NCKAP1L: variants seen among roughly 807,000 people sequenced by gnomAD.
NCKAP1L encodes the protein NCK associated protein 1 like.
NCKAP1L carries 53 observed loss-of-function variants against 139.2 expected under a neutral mutation model. The ratio of observed to expected loss-of-function variants is 0.38; its 90% CI spans 0.31 to 0.48. The LOEUF is 0.48. Among genes scored for constraint, NCKAP1L ranks in the 20% least tolerant of loss-of-function variants. The pLI is 0.98. For synonymous variants in NCKAP1L, 468 were observed against 499.7 expected (o/e 0.94, Z 0.85); for missense variants, 1,151 against 1,381.9 (o/e 0.83, Z 2.65).
At chr12:54,525,739 C>T (rs542904507) in intron 20 of NCKAP1L, among the ~76,000 whole-genome samples, 5 of 152,134 alleles carry the variant, frequency 3.3e-5, no homozygotes, top group African/African-American at 1.2e-4. Context: ...TTTCCCATCC[C>T]CTCCCCTGCC....
rs374983216 is a variant in NCKAP1L, at chr12:54,511,856, G to A, written c.784+5G>A. 1.2e-5 allele frequency: 19 copies of A among 1,614,090 alleles called. No individual in the cohort carries two copies. The Admixed American group carries it at 1.5e-4, about 13-fold the overall frequency. On this transcript the variant is annotated splice_donor_5th_base_variant and intron_variant, in intron 8 of 30. Coordinates refer to ENST00000293373, the MANE Select transcript of NCKAP1L (RefSeq NM_005337.5). ...TAATGGAGCGCTGGATTATCAGTAA[G>A]TTTAGTGGGATTAGATGGGAGTGGA...
chr12:54,506,796 A>AAAAAAAAATATATAT, intron 3 of NCKAP1L, among the ~76,000 whole-genome samples: 40 of 50,598 alleles, frequency 7.9e-4, no homozygotes, highest in East Asian at 2.2e-3. Flanking sequence ...AAAAAAAAAA[A>AAAAAAAAATATATAT]ATATATATAT....
chr12:54,505,898 G>A (rs1166428263), intron 3 of NCKAP1L, among the ~76,000 whole-genome samples: 1 of 152,168 alleles, frequency 6.6e-6, no homozygotes, highest in Non-Finnish European at 1.5e-5. Context: ...CCGACCTCAG[G>A]TGATCTGCCC....
intron 9 of NCKAP1L, 57 bp from the exon 10 acceptor site, chr12:54,516,182 G>C: frequency 6.3e-7 from 1 of 1,590,908 alleles, no homozygotes; most frequent in Non-Finnish European, 8.6e-7. Flanking sequence ...GGGAAGGTGA[G>C]GCAAGGGCCC....
Position 54,520,829 on chromosome 12 carries a change from A to G in NCKAP1L, c.1758+3A>G, listed in dbSNP as rs1465187544. The stretch of plus-strand genomic sequence containing the variant: ...CTCATGAGATGTGCCCAGAGGAGGT[A>G]GGTATCCTGATCTCCAGACCCTGTC... On this transcript the variant is annotated splice_donor_region_variant and intron_variant, in intron 17 of 30. Transcript: ENST00000293373. 1 of 1,614,096 alleles carries G rather than the reference A, an allele frequency of 6.2e-7. No individual in the cohort carries two copies. The highest frequency in any genetic ancestry group is 8.5e-7 in the Non-Finnish European group (1 of 1,179,994).
rs974560485 is a variant in NCKAP1L, at chr12:54,518,920, A to G, written c.1427A>G (p.Asn476Ser). The change falls in exon 15 of 31, where the codon AAT becomes AGT. Residue 476 changes from asparagine to serine, a missense_variant. Transcript: ENST00000293373. ...ACTTCCGTTTTTCTTGCAGTTGATA[A>G]TGGAGAAAAATTTGAATTCTCAGGA... ...LSSLNLKQVD[N>S]GEKFEFSGLR... The G allele has an allele frequency of 5.6e-6, 9 of 1,613,916 alleles. No homozygotes were observed. Among genetic ancestry groups the G allele is most frequent in the Non-Finnish European group, 6.8e-6 (8 of 1,179,790 alleles).
intron 17 of NCKAP1L, 45 bp from the exon 18 acceptor site, chr12:54,521,074 C>A (rs766420573): frequency 6.2e-7 from 1 of 1,611,104 alleles, no homozygotes; most frequent in Non-Finnish European, 8.5e-7. Context: ...AAGAAGTGGC[C>A]GTGCTGGTGA....
chr12:54,498,473 A>T (rs1389238839), intron 1 of NCKAP1L, among the ~76,000 whole-genome samples: 1 of 151,160 alleles, frequency 6.6e-6, no homozygotes, highest in African/African-American at 2.4e-5. Flanking sequence ...AGCTAGTGAC[A>T]AGAGGTGGGC....
chr12:54,520,677 TTC>T lies in NCKAP1L; in HGVS notation c.1626-16_1626-15del. ...AAGGACTAAATCTTGATTTAAAGTC[TTC>T]CCGTTTCTCTGCAGCTTTCATCTTC... On this transcript the variant is annotated splice_polypyrimidine_tract_variant and intron_variant, in intron 16 of 30. Transcript: ENST00000293373. 6.2e-7 allele frequency: 1 copy of T among 1,614,154 alleles called. No homozygotes were observed. Among genetic ancestry groups the T allele is most frequent in the South Asian group, 1.1e-5 (1 of 91,092 alleles).
In NCKAP1L at chr12:54,502,336, A is replaced by G. The variant is rs1956804807; in HGVS notation, c.306+1711A>G. ...TGGATTTTCGGGTTAGGGAAGCTCA[A>G]CCTGTATAAACTATATATCTTTGCA... On this transcript the variant is annotated intron_variant, in intron 3 of 30. Transcript: ENST00000293373. 2.0e-5 allele frequency among the ~76,000 whole-genome samples: 3 copies of G among 152,122 alleles called. No individual in the cohort carries two copies. The South Asian group carries it at 6.2e-4, about 32-fold the overall frequency.
At chr12:54,513,991 TG>T (rs1263479722) in intron 9 of NCKAP1L, among the ~76,000 whole-genome samples, 2 of 151,996 alleles carry the variant, frequency 1.3e-5, no homozygotes, top group African/African-American at 4.8e-5. Context: ...TGTGTGTGTG[TG>T]TGTGTGTGTA....
chr12:54,535,420 A>C (rs1044212412), intron 27 of NCKAP1L, among the ~76,000 whole-genome samples: 1 of 152,206 alleles, frequency 6.6e-6, no homozygotes, highest in Non-Finnish European at 1.5e-5. Flanking sequence ...GGTTCCAACT[A>C]GTTGATCTAC....
chr12:54,519,663 A>G (rs17726370), intron 16 of NCKAP1L, among the ~76,000 whole-genome samples: 6,034 of 151,894 alleles, frequency 0.04, 172 homozygotes, highest in South Asian at 0.09. Flanking sequence ...TGTTTTTGAG[A>G]TCTCCTTAAG....
intron 30 of NCKAP1L, 87 bp from the exon 31 acceptor site, chr12:54,542,488 A>T (rs1957165689): frequency 1.0e-6 from 1 of 953,284 alleles, no homozygotes; most frequent in African/African-American, 1.6e-5. Flanking sequence ...AGGGCCTCAG[A>T]GGGCCTGGGA....
intron 22 of NCKAP1L, among the ~76,000 whole-genome samples, chr12:54,530,809 T>G (rs1734255082): frequency 6.6e-6 from 1 of 152,242 alleles, no homozygotes; most frequent in Non-Finnish European, 1.5e-5. Flanking sequence ...GTTTTTATAA[T>G]GTATCTTATT....
At chr12:54,525,059 C>T (rs1424489364) in intron 20 of NCKAP1L, among the ~76,000 whole-genome samples, 2 of 152,314 alleles carry the variant, frequency 1.3e-5, no homozygotes, top group African/African-American at 4.8e-5. Context: ...GACAGTGTGT[C>T]TGCAGCACTA....
intron 3 of NCKAP1L, among the ~76,000 whole-genome samples, chr12:54,502,276 T>G (rs1192472871): frequency 6.6e-6 from 1 of 152,244 alleles, no homozygotes; most frequent in African/African-American, 2.4e-5. Flanking sequence ...GAGTGTCTTG[T>G]TGGTGCTCAA....
At chr12:54,526,916 C>A (rs554770052) in intron 21 of NCKAP1L, among the ~76,000 whole-genome samples, 170 bp downstream of exon 21, 3 of 152,340 alleles carry the variant, frequency 2.0e-5, no homozygotes, top group African/African-American at 7.2e-5. Flanking sequence ...GCCCAGATCC[C>A]CTTCTGTCCA....
intron 20 of NCKAP1L, among the ~76,000 whole-genome samples, chr12:54,525,780 AC>A (rs1441096985): frequency 6.6e-6 from 1 of 152,092 alleles, no homozygotes; most frequent in East Asian, 1.9e-4. Flanking sequence ...CACAAAACAA[AC>A]AAAAAACTAC....
Sources: allele counts gnomAD v4.1 joint callset (sites outside exome capture counted in the v4.1 genomes callset), GRCh38; gene constraint gnomAD v4.1.1; transcripts MANE v1.5; gene names NCBI Gene and HGNC (gene_info 2026-07-23, HGNC 2026-07-21).